ARHGAP24: variants seen among roughly 807,000 people sequenced by gnomAD.
The protein encoded by ARHGAP24 is Rho GTPase activating protein 24.
In ARHGAP24, 50 loss-of-function variants were observed where a neutral mutation model predicts 76.4. The observed-to-expected ratio is 0.65, with a 90% CI of 0.52 to 0.83. The LOEUF (loss-of-function observed/expected upper bound fraction) is 0.83. Ranked by LOEUF, ARHGAP24 falls within the 40% of genes least tolerant of loss-of-function variation. ARHGAP24 has a pLI of 0.00. For missense variants in ARHGAP24, 930 were observed against 914.2 expected (o/e 1.02, Z -0.22); for synonymous variants, 345 against 323.3 (o/e 1.07, Z -0.72).
intron 2 of ARHGAP24, among the ~76,000 whole-genome samples, chr4:85,679,134 AGAG>A (rs1723106922): frequency 6.6e-6 from 1 of 152,188 alleles, no homozygotes; most frequent in African/African-American, 2.4e-5. Flanking sequence ...GAGAGGAAGA[AGAG>A]GAGAAACCTG....
intron 2 of ARHGAP24, among the ~76,000 whole-genome samples, chr4:85,660,203 G>C (rs1722325696): frequency 6.6e-6 from 1 of 152,152 alleles, no homozygotes; most frequent in Admixed American, 6.5e-5. Context: ...GAGCCAATCA[G>C]TAAATACCTA....
chr4:85,488,750 G>T (rs1202846514), intron 1 of ARHGAP24, among the ~76,000 whole-genome samples: 3 of 152,108 alleles, frequency 2.0e-5, no homozygotes, highest in African/African-American at 7.2e-5. Flanking sequence ...TTTGCAACTA[G>T]AAGGGTACTA....
At chr4:85,791,655 A>G (rs1481817311) in intron 3 of ARHGAP24, among the ~76,000 whole-genome samples, 1 of 152,174 alleles carries the variant, frequency 6.6e-6, no homozygotes, top group Non-Finnish European at 1.5e-5. Context: ...TCCAATGGCT[A>G]TGGGATCATG....
At chr4:85,698,669 G>A (rs75901238) in intron 2 of ARHGAP24, among the ~76,000 whole-genome samples, 70 of 152,260 alleles carry the variant, frequency 4.6e-4, no homozygotes, top group African/African-American at 1.1e-3. Flanking sequence ...AAACCAGGGC[G>A]CCAACATGGT....
chr4:85,742,093 A>T (rs343848), intron 3 of ARHGAP24, among the ~76,000 whole-genome samples: 2 of 151,992 alleles, frequency 1.3e-5, no homozygotes, highest in African/African-American at 4.8e-5. Flanking sequence ...CACCCAGGCC[A>T]ATTGCCATGT....
chr4:85,836,674 A>T (rs764985303), intron 3 of ARHGAP24, among the ~76,000 whole-genome samples: 7 of 152,218 alleles, frequency 4.6e-5, no homozygotes, highest in Non-Finnish European at 8.8e-5. Context: ...GAGGAACATA[A>T]TTCAACCCCT....
intron 2 of ARHGAP24, among the ~76,000 whole-genome samples, chr4:85,604,504 A>T (rs2109990382): frequency 6.6e-6 from 1 of 152,348 alleles, no homozygotes; most frequent in African/African-American, 2.4e-5. Context: ...GCAGCCATTA[A>T]AATGTTCTTC....
intron 1 of ARHGAP24, among the ~76,000 whole-genome samples, chr4:85,548,191 A>C (rs981730066): frequency 3.9e-5 from 6 of 152,138 alleles, no homozygotes; most frequent in Non-Finnish European, 8.8e-5. Flanking sequence ...ACTTTCTGGC[A>C]CATGTTATTC....
At chr4:85,568,269 G>A (rs1419723025) in intron 1 of ARHGAP24, among the ~76,000 whole-genome samples, 1 of 147,852 alleles carries the variant, frequency 6.8e-6, no homozygotes, top group Non-Finnish European at 1.5e-5. Flanking sequence ...TAAGTAATTT[G>A]TTGTGCAATG....
At chr4:85,963,284 G>A (rs938538952) in intron 5 of ARHGAP24, among the ~76,000 whole-genome samples, 1 of 152,018 alleles carries the variant, frequency 6.6e-6, no homozygotes, top group African/African-American at 2.4e-5. Context: ...AGTATGAGAT[G>A]TATTGTGTGC....
intron 1 of ARHGAP24, among the ~76,000 whole-genome samples, chr4:85,497,406 G>C (rs1249926310): frequency 1.3e-5 from 2 of 152,196 alleles, no homozygotes; most frequent in Non-Finnish European, 2.9e-5. Flanking sequence ...TTAATTGTGG[G>C]AGAGAAGTCA....
At chr4:85,634,080 G>T (rs1165586409) in intron 2 of ARHGAP24, among the ~76,000 whole-genome samples, 1 of 151,770 alleles carries the variant, frequency 6.6e-6, no homozygotes, top group Non-Finnish European at 1.5e-5. Flanking sequence ...GTAGTAATTA[G>T]CAGTCTCATT....
intron 5 of ARHGAP24, among the ~76,000 whole-genome samples, chr4:85,960,949 G>A (rs1033441012): frequency 3.9e-5 from 6 of 152,034 alleles, no homozygotes; most frequent in African/African-American, 1.4e-4. Flanking sequence ...ACTAGATTTT[G>A]ATTTATAACA....
At chr4:85,992,255 AAAC>A (rs774869505) in intron 8 of ARHGAP24, 1 of 395,610 alleles carries the variant, frequency 2.5e-6, no homozygotes, top group East Asian at 3.6e-5. Flanking sequence ...AGTCTGTCCT[AAAC>A]AACTATAAAA....
In ARHGAP24 at chr4:85,979,778, A is replaced by G. The variant is rs112372421; in HGVS notation, c.928+2087A>G. Among the ~76,000 whole-genome samples, 766 of 152,334 alleles carry G rather than the reference A, an allele frequency of 5.0e-3. 13 individuals carry two copies. Among genetic ancestry groups the G allele is most frequent in the African/African-American group, 0.017 (722 of 41,586 alleles). Reference sequence around the variant, plus strand: ...TTACTTACCAGCTTTTAAAGCACATAAACAGATTTTTTAACTCCTCTAAAA... The same window carrying G: ...TTACTTACCAGCTTTTAAAGCACATGAACAGATTTTTTAACTCCTCTAAAA... On this transcript the variant is annotated intron_variant, in intron 8 of 9. Transcript: ENST00000395184.
chr4:85,496,563 G>C (rs1336199913), intron 1 of ARHGAP24, among the ~76,000 whole-genome samples: 1 of 123,102 alleles, frequency 8.1e-6, no homozygotes, highest in African/African-American at 3.1e-5. Context: ...ACAAATATAT[G>C]TCACATCACA....
chr4:85,953,766 C>A (rs1560742319), intron 5 of ARHGAP24, among the ~76,000 whole-genome samples: 1 of 152,002 alleles, frequency 6.6e-6, no homozygotes, highest in Non-Finnish European at 1.5e-5. Flanking sequence ...CAGAGGGAGA[C>A]TCATAGGCAC....
rs139973169 is a variant in ARHGAP24 at position 85,850,869 on chromosome 4, C to G, written c.269-72779C>G. ...TTGCTGAGAAGTACTTTACTTCAAA[C>G]TATGTGGTCAATTTTGGAAGAAGTG... On this transcript the variant is annotated intron_variant, in intron 3 of 9. Coordinates refer to ENST00000395184, the MANE Select transcript of ARHGAP24 (RefSeq NM_001025616.3). 3.7e-3 allele frequency among the ~76,000 whole-genome samples: 565 copies of G among 152,242 alleles called. 2 individuals carry two copies. Among genetic ancestry groups the G allele is most frequent in the African/African-American group, 0.013 (529 of 41,552 alleles).
In ARHGAP24 at chr4:85,492,047, C is replaced by T. The variant is rs139387577; in HGVS notation, c.-21+16488C>T. Among the ~76,000 whole-genome samples the T allele has an allele frequency of 1.9e-3, 291 of 151,910 alleles. 1 individual carries two copies. Among genetic ancestry groups the T allele is most frequent in the Middle Eastern group, 0.014 (4 of 294 alleles). ...CTTTTTATTTCCTCTCTCTCTTCCT[C>T]GCCATTCCCTCTTCCTCCCGTATTT... is the stretch of plus-strand genomic sequence containing the variant. On this transcript the variant is annotated intron_variant, in intron 1 of 9. Transcript: ENST00000395184.
Sources: gnomAD v4.1 joint callset for allele counts (sites outside exome capture counted in the v4.1 genomes callset) on GRCh38, gnomAD v4.1.1 for gene constraint, MANE v1.5 for transcripts, NCBI Gene and HGNC (gene_info 2026-07-23, HGNC 2026-07-21) for gene names.